Variants in PTPRD observed in about 807,000 individuals in gnomAD.
The protein encoded by PTPRD is protein tyrosine phosphatase receptor type D, also known as receptor-type tyrosine-protein phosphatase delta.
Under a neutral mutation model 214.5 loss-of-function variants are expected in PTPRD, and 34 were observed. That is an observed-to-expected ratio of 0.16 (90% CI 0.12 to 0.21). PTPRD has a LOEUF of 0.21. PTPRD is among the 10% of genes least tolerant of loss of function. The pLI is 1.00. For synonymous variants in PTPRD, 1,128 were observed against 845.7 expected (o/e 1.33, Z -5.79); for missense variants, 2,545 against 2,398.7 (o/e 1.06, Z -1.27).
At chr9:10,119,937 A>G (rs1385314292) in intron 3 of PTPRD, among the ~76,000 whole-genome samples, 2 of 152,020 alleles carry the variant, frequency 1.3e-5, no homozygotes, top group Non-Finnish European at 1.5e-5. Context: ...GCCCACTTCA[A>G]AGTCTTTCAC....
At chr9:10,541,363 T>C (rs2059070068) in intron 2 of PTPRD, among the ~76,000 whole-genome samples, 1 of 152,122 alleles carries the variant, frequency 6.6e-6, no homozygotes, top group Non-Finnish European at 1.5e-5. Context: ...GTTATAAATT[T>C]CCAGTTCTAT....
intron 11 of PTPRD, among the ~76,000 whole-genome samples, chr9:8,949,677 T>C (rs1204729429): frequency 6.6e-6 from 1 of 152,176 alleles, no homozygotes; most frequent in Non-Finnish European, 1.5e-5. Flanking sequence ...ATAAACATGC[T>C]ATTGTTCTTA....
At chr9:8,868,141 C>T (rs1467112052) in intron 11 of PTPRD, among the ~76,000 whole-genome samples, 2 of 151,976 alleles carry the variant, frequency 1.3e-5, no homozygotes, top group Non-Finnish European at 2.9e-5. Flanking sequence ...GCCCAGCCCA[C>T]GCATACTAGC....
intron 3 of PTPRD, among the ~76,000 whole-genome samples, chr9:10,050,590 A>AAAAAAAAAAAAAAAAT (rs71321219): frequency 7.3e-6 from 1 of 137,636 alleles, no homozygotes; most frequent in Non-Finnish European, 1.6e-5. Flanking sequence ...AAAAAAAAAA[A>AAAAAAAAAAAAAAAAT]GACTATGTCA....
intron 2 of PTPRD, among the ~76,000 whole-genome samples, chr9:10,590,150 A>T (rs1206392742): frequency 6.6e-6 from 1 of 152,052 alleles, no homozygotes; most frequent in Non-Finnish European, 1.5e-5. Flanking sequence ...ATAATTAGCA[A>T]GATTCAAATT....
intron 14 of PTPRD, among the ~76,000 whole-genome samples, chr9:8,531,782 C>T (rs936765533): frequency 1.3e-5 from 2 of 152,098 alleles, no homozygotes; most frequent in African/African-American, 4.8e-5. Context: ...TGATCAGTGG[C>T]AAGTGCCAAA....
intron 8 of PTPRD, among the ~76,000 whole-genome samples, chr9:9,538,475 C>G (rs2076947686): frequency 6.6e-6 from 1 of 151,836 alleles, no homozygotes; most frequent in South Asian, 2.1e-4. Flanking sequence ...TGGATTGGCT[C>G]TACATCAAAT....
chr9:10,574,581 T>G (rs2068558358), intron 2 of PTPRD, among the ~76,000 whole-genome samples: 1 of 152,020 alleles, frequency 6.6e-6, no homozygotes, highest in South Asian at 2.1e-4. Context: ...AGGGAAAGTT[T>G]ATGATTCAAA....
At chr9:10,439,718 A>G (rs550665654) in intron 2 of PTPRD, among the ~76,000 whole-genome samples, 13 of 151,920 alleles carry the variant, frequency 8.6e-5, no homozygotes, top group African/African-American at 3.1e-4. Context: ...ATTTTCCACA[A>G]TTATTTTTCC....
chr9:8,554,220 T>C (rs2083022882), intron 14 of PTPRD, among the ~76,000 whole-genome samples: 1 of 151,734 alleles, frequency 6.6e-6, no homozygotes, highest in Admixed American at 6.6e-5. Flanking sequence ...ACCCACAGAT[T>C]ATAGTTGGGG....
intron 5 of PTPRD, among the ~76,000 whole-genome samples, chr9:9,791,494 A>G (rs1210951879): frequency 6.6e-6 from 1 of 152,170 alleles, no homozygotes; most frequent in Non-Finnish European, 1.5e-5. Context: ...TGGAATCATA[A>G]AAGAGTCTCT....
intron 20 of PTPRD, among the ~76,000 whole-genome samples, chr9:8,520,258 C>T (rs574899856): frequency 1.5e-4 from 23 of 152,254 alleles, no homozygotes; most frequent in African/African-American, 4.8e-4. Context: ...ATTAAGGTTA[C>T]ACAATATAAC....
At chr9:10,196,865 G>C (rs1268175404) in intron 3 of PTPRD, among the ~76,000 whole-genome samples, 1 of 152,152 alleles carries the variant, frequency 6.6e-6, no homozygotes, top group East Asian at 1.9e-4. Flanking sequence ...ACTATGAATA[G>C]GACTAGTGTT....
chr9:10,169,222 C>A (rs909035350), intron 3 of PTPRD, among the ~76,000 whole-genome samples: 1 of 152,032 alleles, frequency 6.6e-6, no homozygotes, highest in African/African-American at 2.4e-5. Flanking sequence ...CGCCTGTAAT[C>A]CCAGCACTTT....
intron 5 of PTPRD, among the ~76,000 whole-genome samples, chr9:9,802,515 A>T (rs2099047558): frequency 6.6e-6 from 1 of 151,942 alleles, no homozygotes; most frequent in Non-Finnish European, 1.5e-5. Context: ...ACATTTGGAT[A>T]ATCTCCACTT....
chr9:8,998,430 A>G (rs1156591687), intron 11 of PTPRD, among the ~76,000 whole-genome samples: 1 of 152,022 alleles, frequency 6.6e-6, no homozygotes, highest in Non-Finnish European at 1.5e-5. Flanking sequence ...ATGAGAGCAC[A>G]TCTGTTTAGC....
intron 2 of PTPRD, among the ~76,000 whole-genome samples, chr9:10,556,642 A>C (rs1163899673): frequency 6.6e-6 from 1 of 152,104 alleles, no homozygotes; most frequent in Non-Finnish European, 1.5e-5. Context: ...AAATCGCACC[A>C]ATAAGTATTT....
chr9:9,876,659 A>T (rs1339456087), intron 5 of PTPRD, among the ~76,000 whole-genome samples: 1 of 152,188 alleles, frequency 6.6e-6, no homozygotes, highest in African/African-American at 2.4e-5. Context: ...CCTTGGCAGC[A>T]TCTCCTTTTT....
intron 5 of PTPRD, among the ~76,000 whole-genome samples, chr9:9,855,773 A>G (rs1043565779): frequency 2.0e-5 from 3 of 152,166 alleles, no homozygotes; most frequent in Non-Finnish European, 2.9e-5. Flanking sequence ...TGCGGGCCCC[A>G]TGGCAAGTCC....
Sources: gnomAD v4.1 joint callset for allele counts (sites outside exome capture counted in the v4.1 genomes callset) on GRCh38, gnomAD v4.1.1 for gene constraint, MANE v1.5 for transcripts, NCBI Gene and HGNC (gene_info 2026-07-23, HGNC 2026-07-21) for gene names.